MACF1: variants seen among roughly 807,000 people sequenced by gnomAD.
MACF1 encodes microtubule actin crosslinking factor 1.
MACF1 carries 193 observed loss-of-function variants against 854.8 expected under a neutral mutation model. The ratio of observed to expected loss-of-function variants is 0.23; its 90% CI spans 0.20 to 0.25. MACF1 has a LOEUF of 0.25. MACF1 is among the 10% of genes least tolerant of loss of function. The probability of loss-of-function intolerance (pLI) is 1.00; values close to 1 mark genes in which losing one functional copy is unlikely to be tolerated. For missense variants in MACF1, 7,722 were observed against 8,929.1 expected (o/e 0.86, Z 5.45); for synonymous variants, 3,185 against 3,226.7 (o/e 0.99, Z 0.44).
intron 44 of MACF1, among the ~76,000 whole-genome samples, chr1:39,354,226 C>T (rs991211044): frequency 3.3e-5 from 5 of 152,184 alleles, no homozygotes; most frequent in East Asian, 1.9e-4. Context: ...GCTCTTGGAA[C>T]TTACTTGCTT....
In MACF1 at chr1:39,422,772, T is replaced by C. The variant is rs779009216; in HGVS notation, c.16021T>C (p.Cys5341Arg). Residue 5341 changes from cysteine to arginine, a missense_variant, in exon 60 of 101, where the codon TGT (cysteine) becomes CGT (arginine). Cys to Arg is a radical substitution (Grantham distance 180). Transcript: ENST00000564288. ...ACAGCTACAGGAAGCTTTGTTGCAT[T>C]GTGGGAAGTTTCAAGATGCCTTGGA... Reference protein sequence around the residue: ...IAQLQEALLHCGKFQDALEPL... With the variant: ...IAQLQEALLHRGKFQDALEPL... 102 of 1,614,096 alleles carry C rather than the reference T, an allele frequency of 6.3e-5. 1 individual carries two copies. Among genetic ancestry groups the C allele is most frequent in the Middle Eastern group, 1.6e-4 (1 of 6,084 alleles).
chr1:39,231,332 C>A, intron 2 of MACF1, 89 bp downstream of exon 2: 1 of 1,215,886 alleles, frequency 8.2e-7, no homozygotes, highest in Non-Finnish European at 1.2e-6. Context: ...GTTTAGATTG[C>A]TTGCTGTGTG....
chr1:39,136,710 CTA>C (rs1196389697), intron 2 of MACF1, among the ~76,000 whole-genome samples: 1 of 151,884 alleles, frequency 6.6e-6, no homozygotes, highest in African/African-American at 2.4e-5. Flanking sequence ...TGAATTAATT[CTA>C]TATTAAATTA....
In MACF1 at chr1:39,358,769, C is replaced by A. The variant is rs770123167; in HGVS notation, c.12016C>A (p.Leu4006Met). Residue 4006 changes from leucine to methionine, a missense_variant, in exon 46 of 101, where the codon CTG (leucine) becomes ATG (methionine). Coordinates refer to ENST00000564288, the MANE Select transcript of MACF1 (RefSeq NM_001394062.1). ...TCAATTCCAAAACAGTGCTGACAGCCTGCAGGCCTGGATGCAGGCTTGTGA... is the reference window on the plus strand; with the variant it reads ...TCAATTCCAAAACAGTGCTGACAGCATGCAGGCCTGGATGCAGGCTTGTGA... ...YHQFQNSADS[L>M]QAWMQACEAN... The A allele has an allele frequency of 6.2e-7, 1 of 1,614,092 alleles. No individual in the cohort carries two copies. Among genetic ancestry groups the A allele is most frequent in the Admixed American group, 1.7e-5 (1 of 59,996 alleles).
chr1:39,223,852 G>A (rs1644682640), intron 1 of MACF1, among the ~76,000 whole-genome samples: 1 of 152,066 alleles, frequency 6.6e-6, no homozygotes, highest in African/African-American at 2.4e-5. Context: ...GGAGAATAAG[G>A]GCTCACTGAA....
In MACF1 at chr1:39,254,342, G is replaced by A; in HGVS notation, c.402G>A (p.Val134=). The part of the protein sequence containing the change: ...GRMRFHRLQN[V]QIALDFLKQR... Reference sequence around the variant, plus strand: ...TGCGTTTTCATAGGCTGCAGAATGTGCAGATTGCCCTGGACTTCCTAAAGC... The same window carrying A: ...TGCGTTTTCATAGGCTGCAGAATGTACAGATTGCCCTGGACTTCCTAAAGC... The change falls in exon 5 of 101, where the codon GTG becomes GTA. Residue 134 remains valine, a synonymous_variant. Transcript: ENST00000564288. 1.2e-6 allele frequency: 2 copies of A among 1,614,186 alleles called. No homozygotes were observed. The highest frequency in any genetic ancestry group is 1.7e-6 in the Non-Finnish European group (2 of 1,180,020).
intron 1 of MACF1, among the ~76,000 whole-genome samples, chr1:39,207,900 G>A (rs948777134): frequency 1.3e-5 from 2 of 151,992 alleles, no homozygotes; most frequent in African/African-American, 2.4e-5. Context: ...TTGGGAGGCT[G>A]AGGCAGGTGG....
chr1:39,335,453 C>T lies in MACF1; in HGVS notation c.8865C>T (p.Gly2955=). 6.2e-7 allele frequency: 1 copy of T among 1,614,148 alleles called. No homozygotes were observed. The highest frequency in any genetic ancestry group is 8.5e-7 in the Non-Finnish European group (1 of 1,180,016). ...AAGAAACATATTGTGAAACGTCAGGCAAATTGCCGAGTGAGCAGGTTTTGC... is the reference window on the plus strand; with the variant it reads ...AAGAAACATATTGTGAAACGTCAGGTAAATTGCCGAGTGAGCAGGTTTTGC... The part of the protein sequence containing the change: ...EVQETYCETS[G]KLPSEQVLQQ... Residue 2955 remains glycine, a synonymous_variant, in exon 37 of 101, where the codon GGC becomes GGT. Transcript: ENST00000564288.
At position 39,322,592 on chromosome 1, in the gene MACF1, A is replaced by T. The variant is rs1304219028; in HGVS notation, c.4030-16A>T. On this transcript the variant is annotated splice_polypyrimidine_tract_variant and intron_variant, in intron 31 of 100. Coordinates refer to ENST00000564288, the MANE Select transcript of MACF1 (RefSeq NM_001394062.1). The stretch of plus-strand genomic sequence containing the variant: ...TAAAACCCTGAGTAACTGTAGCGAA[A>T]TTCATCCTTTCCTAGGACTATGAAT... 2 of 1,597,710 alleles carry T rather than the reference A, an allele frequency of 1.3e-6. No homozygotes were observed. Among genetic ancestry groups the T allele is most frequent in the African/African-American group, 2.7e-5 (2 of 74,542 alleles).
intron 7 of MACF1, 48 bp downstream of exon 7, chr1:39,282,422 C>A: frequency 6.4e-7 from 1 of 1,560,998 alleles, no homozygotes; most frequent in South Asian, 1.2e-5. Context: ...TTTCTCATCT[C>A]TTGTTTGTAA....
intron 2 of MACF1, among the ~76,000 whole-genome samples, chr1:39,152,717 C>T (rs2148197921): frequency 6.6e-6 from 1 of 152,302 alleles, no homozygotes; most frequent in Admixed American, 6.5e-5. Context: ...AAGGCAGCTT[C>T]AGAGGAAAAT....
At chr1:39,112,860 A>G (rs4660165) in intron 2 of MACF1, among the ~76,000 whole-genome samples, 24,354 of 152,030 alleles carry the variant, frequency 0.16, 2,444 homozygotes, top group Middle Eastern at 0.24. Flanking sequence ...AGAGCTGGGC[A>G]TAGTCCCAGT....
chr1:39,220,985 GGACT>G (rs1644645414), intron 1 of MACF1, among the ~76,000 whole-genome samples: 1 of 152,150 alleles, frequency 6.6e-6, no homozygotes, highest in African/African-American at 2.4e-5. Context: ...GACTTCAGCT[GGACT>G]TTGAAAGGAG....
In MACF1 at chr1:39,385,419, T is replaced by A; in HGVS notation, c.13849-15T>A. 1 of 1,610,628 alleles carries A rather than the reference T, an allele frequency of 6.2e-7. No individual in the cohort carries two copies. ...TTTTTCCTGTCTAAACATCTTGGTG[T>A]CATTTCTATTTCAGTTTATGCTAAA... is the stretch of plus-strand genomic sequence containing the variant. On this transcript the variant is annotated splice_polypyrimidine_tract_variant and intron_variant, in intron 56 of 100. Transcript: ENST00000564288.
chr1:39,390,446 TG>T (rs1641987365), intron 58 of MACF1, among the ~76,000 whole-genome samples: 1 of 152,170 alleles, frequency 6.6e-6, no homozygotes, highest in South Asian at 2.1e-4. Flanking sequence ...AGCACTAAAG[TG>T]GGACATTGGC....
chr1:39,434,577 T>C lies in MACF1; in HGVS notation c.17729T>C (p.Leu5910Ser). The change falls in exon 69 of 101, where the codon TTA becomes TCA. Residue 5910 changes from leucine (L) to serine (S), a missense_variant. By Grantham distance (145) the Leu-to-Ser change is moderately radical. This residue lies in a region of MACF1 where 2,807 missense variants were observed against 3,235.8 expected (regional missense o/e 0.87). Transcript: ENST00000564288. ...IEETRALIAQ[L>S]PSPAIDHEQL... ...GAAACTCGGGCACTAATAGCACAGT[T>C]ACCCTCTCCAGCCATTGATCATGAG... 1 of 1,614,164 alleles carries C rather than the reference T, an allele frequency of 6.2e-7. No individual in the cohort carries two copies. The highest frequency in any genetic ancestry group is 8.5e-7 in the Non-Finnish European group (1 of 1,180,012).
chr1:39,284,604 A>G (rs1312603850), intron 11 of MACF1, among the ~76,000 whole-genome samples, 176 bp downstream of exon 11: 1 of 152,214 alleles, frequency 6.6e-6, no homozygotes. Context: ...TAAAGGGGCA[A>G]TGTCAGCCAT....
rs1643433982 is a variant in MACF1, at chr1:39,145,129, ACT to A, written c.220+60694_220+60695del. On this transcript the variant is annotated intron_variant, in intron 2 of 93. Coordinates refer to the MACF1 transcript ENST00000361689. ...CCACTGCATAACAGTGTGCTGACTG[ACT>A]CTATTACAGATTTATGAGCTCTAGC... 2.0e-5 allele frequency among the ~76,000 whole-genome samples: 3 copies of A among 151,552 alleles called. No homozygotes were observed. In the South Asian group the frequency reaches 6.3e-4, roughly 32 times the overall value.
At chr1:39,133,015 A>G (rs1643048001) in intron 2 of MACF1, among the ~76,000 whole-genome samples, 1 of 152,102 alleles carries the variant, frequency 6.6e-6, no homozygotes, top group Non-Finnish European at 1.5e-5. Flanking sequence ...CACATCCGCT[A>G]CTCAGCCCTT....
Sources: gnomAD v4.1 joint callset for allele counts (sites outside exome capture counted in the v4.1 genomes callset) on GRCh38, gnomAD v4.1.1 for gene constraint, gnomAD v4.1.1 regional missense constraint, MANE v1.5 for transcripts, NCBI Gene and HGNC (gene_info 2026-07-23, HGNC 2026-07-21) for gene names.